NRG1: variants seen among roughly 807,000 people sequenced by gnomAD.
NRG1 encodes the protein pro-neuregulin-1, membrane-bound isoform.
Under a neutral mutation model 63.8 loss-of-function variants are expected in NRG1, and 18 were observed. That is an observed-to-expected ratio of 0.28 (90% CI 0.19 to 0.42). NRG1 has a LOEUF of 0.42. NRG1 is among the 10% of genes least tolerant of loss of function. NRG1 has a pLI of 1.00. For synonymous variants in NRG1, 302 were observed against 301.3 expected, an observed-to-expected ratio of 1.00 and a Z score of -0.02; for missense variants, 762 against 814.7, an observed-to-expected ratio of 0.94 and a Z score of 0.79.
intron 1 of NRG1, among the ~76,000 whole-genome samples, chr8:31,890,861 T>C (rs767331518): frequency 1.2e-4 from 18 of 152,048 alleles, no homozygotes; most frequent in African/African-American, 1.7e-4. Flanking sequence ...AACTCAGAAA[T>C]AGACACGTTA....
At position 31,640,428 on chromosome 8, in the gene NRG1, G is replaced by GC; in HGVS notation, c.37+1000dup. 1 of 1,509,264 alleles carries GC rather than the reference G, an allele frequency of 6.6e-7. No homozygotes were observed. Among genetic ancestry groups the GC allele is most frequent in the Non-Finnish European group, 8.9e-7 (1 of 1,128,352 alleles). 93.5% of individuals were successfully genotyped at this position (1,509,264 alleles called of 1,614,324 possible). A position where few individuals can be genotyped will look rare whatever the true frequency, so the allele number is the denominator to read the frequency against. Reference sequence around the variant, plus strand: ...TGCCCTCTTGGCCCACCGCCCCGGTGCCCAGCGCCGGCGAGCCCGGGGAGG... The same window carrying GC: ...TGCCCTCTTGGCCCACCGCCCCGGTGCCCCAGCGCCGGCGAGCCCGGGGAGG... On this transcript the variant is annotated intron_variant, in intron 1 of 10. Transcript: ENST00000519301. The surrounding 1 kb of genome is among the most constrained non-coding windows in gnomAD (Gnocchi z 6.3).
chr8:32,150,018 G>A (rs1837327449), intron 1 of NRG1, among the ~76,000 whole-genome samples: 1 of 152,168 alleles, frequency 6.6e-6, no homozygotes, highest in Non-Finnish European at 1.5e-5. Context: ...CCTTATATAT[G>A]TATTGATTGA....
chr8:32,008,067 C>T (rs1038051108), intron 1 of NRG1, among the ~76,000 whole-genome samples: 2 of 151,974 alleles, frequency 1.3e-5, no homozygotes, highest in Admixed American at 6.6e-5. Context: ...ATTTCTTTTG[C>T]TATTTCATTA....
intron 1 of NRG1, among the ~76,000 whole-genome samples, chr8:31,836,383 CA>C (rs1414849546): frequency 1.3e-5 from 2 of 151,986 alleles, no homozygotes; most frequent in African/African-American, 4.8e-5. Flanking sequence ...TTGTTGGGAG[CA>C]AAAGAGTTGA....
intron 1 of NRG1, among the ~76,000 whole-genome samples, chr8:31,676,616 G>A (rs541791814): frequency 6.6e-6 from 1 of 152,274 alleles, no homozygotes; most frequent in East Asian, 1.9e-4. Flanking sequence ...GAACCCTCCA[G>A]TCCGTGTTTG....
chr8:32,420,406 G>T (rs147746877), intron 1 of NRG1, among the ~76,000 whole-genome samples: 27 of 152,260 alleles, frequency 1.8e-4, no homozygotes, highest in Non-Finnish European at 5.9e-5. Flanking sequence ...CAGATGGCTT[G>T]CCCAGAATTG....
intron 1 of NRG1, among the ~76,000 whole-genome samples, chr8:32,420,491 T>G (rs1039634734): frequency 2.6e-5 from 4 of 152,036 alleles, no homozygotes; most frequent in Non-Finnish European, 5.9e-5. Flanking sequence ...TCCTTTAGTT[T>G]CTGTCACTTG....
At chr8:31,679,486 A>T (rs543761327) in intron 1 of NRG1, among the ~76,000 whole-genome samples, 27 of 152,280 alleles carry the variant, frequency 1.8e-4, no homozygotes, top group African/African-American at 6.0e-4. Context: ...TGGATGAATA[A>T]ATACAATAAT....
intron 1 of NRG1, among the ~76,000 whole-genome samples, chr8:31,819,722 T>A (rs1823820416): frequency 6.6e-6 from 1 of 152,204 alleles, no homozygotes; most frequent in African/African-American, 2.4e-5. Flanking sequence ...CAACAAATGA[T>A]ACATTAAGTG....
intron 1 of NRG1, among the ~76,000 whole-genome samples, chr8:32,245,808 A>G (rs1404572783): frequency 6.6e-6 from 1 of 152,152 alleles, no homozygotes; most frequent in Non-Finnish European, 1.5e-5. Context: ...CTCAAATTGA[A>G]TTTTTAAAAA....
chr8:32,247,268 C>T (rs1586362105), intron 1 of NRG1, among the ~76,000 whole-genome samples: 1 of 151,990 alleles, frequency 6.6e-6, no homozygotes, highest in Admixed American at 6.6e-5. Flanking sequence ...AAGAAAAACA[C>T]GTTATGGACA....
chr8:31,796,422 T>C (rs1821225813), intron 1 of NRG1, among the ~76,000 whole-genome samples: 3 of 51,302 alleles, frequency 5.8e-5, no homozygotes, highest in Non-Finnish European at 1.3e-4. Flanking sequence ...ATCTTTTTTT[T>C]TTTTTTTTTT....
At chr8:32,488,142 C>T (rs1246100220) in intron 1 of NRG1, among the ~76,000 whole-genome samples, 1 of 152,184 alleles carries the variant, frequency 6.6e-6, no homozygotes, top group Non-Finnish European at 1.5e-5. Flanking sequence ...GACCTTGTTT[C>T]TAGTAGGACT....
At chr8:32,484,813 T>G (rs1185854566) in intron 1 of NRG1, among the ~76,000 whole-genome samples, 1 of 152,200 alleles carries the variant, frequency 6.6e-6, no homozygotes, top group African/African-American at 2.4e-5. Context: ...ACATTTCATG[T>G]TTAGAGAATA....
At chr8:32,582,389 C>T (rs553191583) in intron 1 of NRG1, among the ~76,000 whole-genome samples, 4 of 152,256 alleles carry the variant, frequency 2.6e-5, no homozygotes, top group South Asian at 4.1e-4. Context: ...TGAGACACGG[C>T]GCCCAGCCTG....
At chr8:32,176,638 A>G (rs946804158) in intron 1 of NRG1, among the ~76,000 whole-genome samples, 1 of 152,228 alleles carries the variant, frequency 6.6e-6, no homozygotes, top group Non-Finnish European at 1.5e-5. Flanking sequence ...CAAGAAAAAA[A>G]CAAACAACCC....
intron 5 of NRG1, among the ~76,000 whole-genome samples, chr8:32,713,988 C>G (rs185715788): frequency 2.0e-5 from 3 of 151,848 alleles, no homozygotes; most frequent in Non-Finnish European, 4.4e-5. Context: ...CCATGCCCAG[C>G]TAATTTTTGT....
intron 1 of NRG1, among the ~76,000 whole-genome samples, chr8:32,182,240 G>A (rs898165169): frequency 6.6e-6 from 1 of 151,816 alleles, no homozygotes; most frequent in African/African-American, 2.4e-5. Context: ...GGAACCTGTG[G>A]AAAATGATAC....
intron 1 of NRG1, among the ~76,000 whole-genome samples, chr8:32,177,039 T>A (rs926777778): frequency 3.9e-5 from 6 of 152,222 alleles, no homozygotes; most frequent in African/African-American, 1.2e-4. Context: ...ATATGTTTAT[T>A]GTGGCACTAT....
Sources: allele counts gnomAD v4.1 joint callset (sites outside exome capture counted in the v4.1 genomes callset), GRCh38; gene constraint gnomAD v4.1.1; non-coding constraint Gnocchi (gnomAD v3.1); transcripts MANE v1.5; gene names NCBI Gene and HGNC (gene_info 2026-07-23, HGNC 2026-07-21).